ORC2: variants seen among roughly 807,000 people sequenced by gnomAD.
The protein encoded by ORC2 is origin recognition complex subunit 2, also known as origin recognition complex protein 2 homolog.
Under a neutral mutation model 77.7 loss-of-function variants are expected in ORC2, and 37 were observed. The ratio of observed to expected loss-of-function variants is 0.48; its 90% CI spans 0.37 to 0.63. The LOEUF is 0.63. Among genes scored for constraint, ORC2 ranks in the 20% least tolerant of loss-of-function variants. The pLI is 0.00. For synonymous variants in ORC2, 201 were observed against 229.5 expected (o/e 0.88, Z 1.12); for missense variants, 557 against 661.9 (o/e 0.84, Z 1.74).
chr2:200,942,957 T>C, intron 5 of ORC2, 180 bp from the exon 6 acceptor site: 1 of 401,936 alleles, frequency 2.5e-6, no homozygotes, highest in Non-Finnish European at 4.4e-6. Flanking sequence ...CCCAGAATCT[T>C]CAAATTTTCC....
At chr2:200,923,259 T>A (rs1453195312) in intron 13 of ORC2, among the ~76,000 whole-genome samples, 1 of 152,206 alleles carries the variant, frequency 6.6e-6, no homozygotes, top group Non-Finnish European at 1.5e-5. Flanking sequence ...ATTTATTTAC[T>A]CTTTTTGGAG....
chr2:200,926,961 T>C lies in ORC2; in HGVS notation c.918-61A>G, dbSNP rs2040847239. 14 of 1,495,464 alleles carry C rather than the reference T, an allele frequency of 9.4e-6. No individual in the cohort carries two copies. The East Asian group carries it at 3.2e-4, about 34-fold the overall frequency. The allele number at this position is 1,495,464 out of a possible 1,614,324, so 92.6% of individuals were successfully genotyped here. ...CAATACCTCTTATTGCCAATTTTAT[T>C]ATCAACCAGTTTCCTTAAATTCAGT... is the stretch of plus-strand genomic sequence containing the variant. On this transcript the variant is annotated intron_variant, in intron 11 of 17. Coordinates refer to ENST00000234296, the MANE Select transcript of ORC2 (RefSeq NM_006190.5).
At chr2:200,934,364 CAGTGT>C (rs1296415138) in intron 9 of ORC2, among the ~76,000 whole-genome samples, 1 of 151,756 alleles carries the variant, frequency 6.6e-6, no homozygotes, top group Non-Finnish European at 1.5e-5. Flanking sequence ...ACCCAGGCTG[CAGTGT>C]AGTGGTGCAA....
intron 15 of ORC2, among the ~76,000 whole-genome samples, chr2:200,915,977 G>A (rs1333018731): frequency 6.6e-6 from 1 of 152,140 alleles, no homozygotes; most frequent in Non-Finnish European, 1.5e-5. Context: ...TTATAGGAGT[G>A]AGCCACCGCA....
chr2:200,931,470 G>GA, intron 10 of ORC2, 22 bp from the exon 11 acceptor site: 1 of 1,309,182 alleles, frequency 7.6e-7, no homozygotes, highest in Non-Finnish European at 1.1e-6. Flanking sequence ...AGGAGGAGGG[G>GA]AAAAAAGTCA....
chr2:200,943,458 T>C (rs190978876), intron 5 of ORC2, among the ~76,000 whole-genome samples: 6 of 152,292 alleles, frequency 3.9e-5, no homozygotes, highest in African/African-American at 1.2e-4. Context: ...TTATCTTTAA[T>C]GATGCTCTCA....
chr2:200,942,727 T>C lies in ORC2; in HGVS notation c.379A>G (p.Asn127Asp). The C allele has an allele frequency of 6.2e-7, 1 of 1,610,772 alleles. No homozygotes were observed. Among genetic ancestry groups the C allele is most frequent in the South Asian group, 1.1e-5 (1 of 90,558 alleles). Residue 127 changes from asparagine to aspartate, a missense_variant, in exon 6 of 18, where the codon AAT (asparagine) becomes GAT (aspartate). Physicochemically the swap from Asn to Asp is conservative, Grantham distance 23 (BLOSUM62 1). Transcript: ENST00000234296. ...PQKSVSFSLKNDPEITINVPQ... is the reference protein window; with the variant it reads ...PQKSVSFSLKDDPEITINVPQ... ...ACGTTTATCGTAATCTCAGGATCAT[T>C]CTTCAAACTGAATGAAACACTTTTT...
At chr2:200,924,743 TAAAG>T (rs1337383877) in intron 13 of ORC2, among the ~76,000 whole-genome samples, 1 of 152,174 alleles carries the variant, frequency 6.6e-6, no homozygotes, top group Non-Finnish European at 1.5e-5. Context: ...GTACACAGAA[TAAAG>T]AAATAATGTT....
intron 11 of ORC2, among the ~76,000 whole-genome samples, chr2:200,927,532 A>G (rs1409788251): frequency 6.6e-6 from 1 of 150,668 alleles, no homozygotes; most frequent in East Asian, 2.0e-4. Context: ...AATACAAAAA[A>G]AAAAAAAATT....
rs190201410 is a variant in ORC2, at chr2:200,936,990, A to T, written c.514+916T>A. On this transcript the variant is annotated intron_variant, in intron 8 of 17. Transcript: ENST00000234296. ...TCAGCATGTAACAAATGTAGATATT[A>T]AAAAAAAAAAGAAAAAAAAAGGCTT... is the stretch of plus-strand genomic sequence containing the variant. Among the ~76,000 whole-genome samples the T allele has an allele frequency of 3.4e-5, 5 of 145,722 alleles. No homozygotes were observed. In the East Asian group the frequency reaches 5.9e-4, roughly 17 times the overall value.
intron 1 of ORC2, among the ~76,000 whole-genome samples, chr2:200,962,233 G>A (rs1320165575): frequency 6.6e-6 from 1 of 152,188 alleles, no homozygotes; most frequent in African/African-American, 2.4e-5. Flanking sequence ...GCAATATTTA[G>A]TGACCATTAT....
intron 9 of ORC2, among the ~76,000 whole-genome samples, chr2:200,934,803 T>C (rs994785360): frequency 1.3e-5 from 2 of 152,230 alleles, no homozygotes; most frequent in Non-Finnish European, 2.9e-5. Context: ...CTTCTGATTT[T>C]GGGCAGGACT....
rs770380166 is a variant in ORC2 at position 200,911,256 on chromosome 2, T to C, written c.*45A>G. ...CACTTTCAACTAGAGGAGTGGCAGCTGGGGTACAACCCTTCCATGGGAGAT... is the reference window on the plus strand; with the variant it reads ...CACTTTCAACTAGAGGAGTGGCAGCCGGGGTACAACCCTTCCATGGGAGAT... On this transcript the variant is annotated 3_prime_UTR_variant, in exon 18 of 18. Transcript: ENST00000234296. The C allele has an allele frequency of 9.1e-7, 1 of 1,099,612 alleles. No individual in the cohort carries two copies. The allele number at this position is 1,099,612 out of a possible 1,614,324, so 68.1% of individuals were successfully genotyped here.
intron 7 of ORC2, among the ~76,000 whole-genome samples, chr2:200,940,774 C>T (rs960240359): frequency 6.6e-6 from 1 of 152,080 alleles, no homozygotes; most frequent in Admixed American, 6.5e-5. Flanking sequence ...TGCACTCCAG[C>T]CTGGGCGACA....
At chr2:200,923,146 A>G (rs2040786614) in intron 13 of ORC2, among the ~76,000 whole-genome samples, 1 of 152,228 alleles carries the variant, frequency 6.6e-6, no homozygotes, top group Non-Finnish European at 1.5e-5. Flanking sequence ...GCAAATCCTG[A>G]ATTATTGAAT....
At chr2:200,924,089 G>A (rs1232871779) in intron 13 of ORC2, among the ~76,000 whole-genome samples, 1 of 152,184 alleles carries the variant, frequency 6.6e-6, no homozygotes, top group Non-Finnish European at 1.5e-5. Context: ...GCTCATGCCT[G>A]TAATCCCAGC....
intron 16 of ORC2, 146 bp from the exon 17 acceptor site, chr2:200,913,559 G>A: frequency 7.5e-7 from 1 of 1,340,342 alleles, no homozygotes; most frequent in African/African-American, 1.5e-5. Context: ...TTTTAAAGAA[G>A]GAACAAGTAA....
At chr2:200,947,567 G>A (rs992619583) in intron 5 of ORC2, among the ~76,000 whole-genome samples, 24 of 151,994 alleles carry the variant, frequency 1.6e-4, no homozygotes, top group African/African-American at 5.8e-4. Context: ...TTTACCAGGT[G>A]GATAATTATT....
At chr2:200,948,539 A>T (rs1460065658) in intron 5 of ORC2, among the ~76,000 whole-genome samples, 1 of 152,078 alleles carries the variant, frequency 6.6e-6, no homozygotes, top group African/African-American at 2.4e-5. Context: ...ATTTTTCCAT[A>T]TACAGGGTAA....
Sources: allele counts gnomAD v4.1 joint callset (sites outside exome capture counted in the v4.1 genomes callset), GRCh38; gene constraint gnomAD v4.1.1; transcripts MANE v1.5; gene names NCBI Gene and HGNC (gene_info 2026-07-23, HGNC 2026-07-21).